FRMD4A: variants seen among roughly 807,000 people sequenced by gnomAD.
FRMD4A encodes the protein FERM domain containing 4A.
A neutral mutation model predicts 129.1 loss-of-function variants in FRMD4A; 29 were observed. The ratio of observed to expected loss-of-function variants is 0.22; its 90% CI spans 0.17 to 0.31. The LOEUF (loss-of-function observed/expected upper bound fraction) is 0.31. Ranked by LOEUF, FRMD4A falls within the 10% of genes least tolerant of loss-of-function variation. The pLI, the probability that FRMD4A is intolerant of heterozygous loss-of-function variation, is 1.00. For synonymous variants in FRMD4A, 634 were observed against 571.6 expected, an observed-to-expected ratio of 1.11 and a Z score of -1.56; for missense variants, 1,272 against 1,375.8, an observed-to-expected ratio of 0.92 and a Z score of 1.19.
chr10:13,736,987 TTCTC>T (rs937050107), intron 12 of FRMD4A, among the ~76,000 whole-genome samples: 3 of 152,260 alleles, frequency 2.0e-5, no homozygotes, highest in Non-Finnish European at 4.4e-5. Context: ...CGTTTTCTGT[TTCTC>T]TCCCTCTTCA....
rs565257237 is a variant in FRMD4A, at chr10:13,820,904, C to T, written c.112-9996G>A. Among the ~76,000 whole-genome samples the T allele has an allele frequency of 1.8e-4, 28 of 152,318 alleles. No individual in the cohort carries two copies. The East Asian group carries it at 3.1e-3, about 17-fold the overall frequency. On this transcript the variant is annotated intron_variant, in intron 3 of 24. Coordinates refer to ENST00000357447, the MANE Select transcript of FRMD4A (RefSeq NM_018027.5). The stretch of plus-strand genomic sequence containing the variant: ...GGGCTGTCTGGGAGTGACTGTGAAA[C>T]GTGGCCCGTCTGCCCCCATCTCTCT...
At chr10:13,891,880 C>T (rs1434724616) in intron 2 of FRMD4A, 1 of 326,008 alleles carries the variant, frequency 3.1e-6, no homozygotes, top group Non-Finnish European at 4.3e-6. Flanking sequence ...GCCCGCCCCT[C>T]GCCCGCGCCC....
chr10:14,182,552 C>CA (rs201020861), intron 2 of FRMD4A, among the ~76,000 whole-genome samples: 8 of 152,046 alleles, frequency 5.3e-5, no homozygotes, highest in South Asian at 2.1e-4. Context: ...TCTGACAAGA[C>CA]AAAAATTTTT....
chr10:14,212,086 C>T (rs1456455942), intron 2 of FRMD4A, among the ~76,000 whole-genome samples: 1 of 152,106 alleles, frequency 6.6e-6, no homozygotes, highest in African/African-American at 2.4e-5. Context: ...AAAAGTGTCC[C>T]AGGGTAGCTC....
intron 4 of FRMD4A, among the ~76,000 whole-genome samples, chr10:13,806,464 C>A (rs117647562): frequency 0.023 from 3,520 of 152,258 alleles, 51 homozygotes; most frequent in Middle Eastern, 0.034. Context: ...AGCTTGTTCT[C>A]CTACTGTTAG....
At position 14,216,426 on chromosome 10, in the gene FRMD4A, T is replaced by C. The variant is rs187869517; in HGVS notation, c.45+113632A>G. On this transcript the variant is annotated intron_variant, in intron 2 of 24. Coordinates refer to ENST00000357447, the MANE Select transcript of FRMD4A (RefSeq NM_018027.5). ...TGACTCATGCCTGTAATCTCAATTCTTTGGGAGTCTGAGGAGGGTGCATCA... is the reference window on the plus strand; with the variant it reads ...TGACTCATGCCTGTAATCTCAATTCCTTGGGAGTCTGAGGAGGGTGCATCA... Among the ~76,000 whole-genome samples, 20 of 152,290 alleles carry C rather than the reference T, an allele frequency of 1.3e-4. No individual in the cohort carries two copies. The East Asian group carries it at 3.7e-3, about 28-fold the overall frequency.
chr10:14,318,760 T>C (rs754005180), intron 2 of FRMD4A, among the ~76,000 whole-genome samples: 2 of 152,214 alleles, frequency 1.3e-5, no homozygotes, highest in Non-Finnish European at 2.9e-5. Context: ...TCAAGTTACA[T>C]AGAATGAACA....
intron 2 of FRMD4A, among the ~76,000 whole-genome samples, chr10:14,171,824 T>G (rs891544338): frequency 1.8e-4 from 27 of 152,190 alleles, no homozygotes; most frequent in Non-Finnish European, 4.0e-4. Flanking sequence ...GTCTGACCTA[T>G]CATCATACCA....
rs751290884 is a variant in FRMD4A, at chr10:13,651,980, C to A, written c.3051-6G>T. ...GTGAGTTTTCTGTTGCTTCTCTGAA[C>A]AAAGGAAAGCAGGAGGAGGAAGAGA... is the stretch of plus-strand genomic sequence containing the variant. On this transcript the variant is annotated splice_polypyrimidine_tract_variant and splice_region_variant and intron_variant, in intron 23 of 24. Transcript: ENST00000357447. 8 of 1,535,112 alleles carry A rather than the reference C, an allele frequency of 5.2e-6. No individual in the cohort carries two copies. The highest frequency in any genetic ancestry group is 7.2e-6 in the Non-Finnish European group (8 of 1,108,096).
intron 5 of FRMD4A, among the ~76,000 whole-genome samples, 181 bp downstream of exon 5, chr10:13,796,315 C>T (rs1386693424): frequency 6.6e-6 from 1 of 152,206 alleles, no homozygotes; most frequent in Admixed American, 6.5e-5. Flanking sequence ...CTCACAGGCA[C>T]ACCCTGCACC....
intron 2 of FRMD4A, among the ~76,000 whole-genome samples, chr10:14,225,014 A>G (rs1236620375): frequency 6.6e-6 from 1 of 152,140 alleles, no homozygotes; most frequent in Non-Finnish European, 1.5e-5. Context: ...AACTCTAAAA[A>G]TCCCTAAAAA....
At chr10:13,670,312 A>G in intron 17 of FRMD4A, 94 bp downstream of exon 17, 3 of 1,320,704 alleles carry the variant, frequency 2.3e-6, no homozygotes, top group East Asian at 2.5e-5. Flanking sequence ...TTAGGCAGAA[A>G]TGAAGAAATT....
At chr10:14,259,220 G>A (rs1262883395) in intron 2 of FRMD4A, among the ~76,000 whole-genome samples, 1 of 152,054 alleles carries the variant, frequency 6.6e-6, no homozygotes, top group African/African-American at 2.4e-5. Flanking sequence ...ACAATAAGAA[G>A]TACTTGTAAT....
rs142011545 is a variant in FRMD4A, at chr10:13,781,823, C to T, written c.384+1099G>A. 7.7e-3 allele frequency among the ~76,000 whole-genome samples: 459 copies of T among 59,510 alleles called. 3 individuals carry two copies. The highest frequency in any genetic ancestry group is 0.046 in the African/African-American group (429 of 9,304). 39.0% of individuals were successfully genotyped at this position (59,510 alleles called of 152,430 possible). A position where few individuals can be genotyped will look rare whatever the true frequency, so the allele number is the denominator to read the frequency against. ...AGTGGTTGCCAGTGGCTGAGGAAAA[C>T]GGGGAAGGGGAAGTTGTTTAATGAG... On this transcript the variant is annotated intron_variant, in intron 6 of 24. Transcript: ENST00000357447.
At chr10:13,693,845 T>A (rs1483323014) in intron 15 of FRMD4A, 53 bp downstream of exon 15, 1 of 1,583,524 alleles carries the variant, frequency 6.3e-7, no homozygotes, top group Non-Finnish European at 8.7e-7. Context: ...CTGGGTCCCC[T>A]CTGGGGTCCC....
intron 12 of FRMD4A, chr10:13,707,363 T>C: frequency 8.4e-7 from 1 of 1,196,824 alleles, no homozygotes; most frequent in Non-Finnish European, 1.0e-6. Flanking sequence ...AAACAAGTTC[T>C]TTTCAAGTTC....
intron 2 of FRMD4A, among the ~76,000 whole-genome samples, chr10:14,248,395 G>T (rs753949193): frequency 3.3e-5 from 5 of 152,160 alleles, no homozygotes; most frequent in African/African-American, 1.2e-4. Context: ...TAGAAATAGT[G>T]CCTTTTTCCA....
chr10:14,021,830 C>T (rs1832771638), intron 2 of FRMD4A, among the ~76,000 whole-genome samples: 1 of 151,978 alleles, frequency 6.6e-6, no homozygotes, highest in Non-Finnish European at 1.5e-5. Context: ...AAAAAAGAGT[C>T]CCTATTATTT....
At position 13,738,707 on chromosome 10, in the gene FRMD4A, G is replaced by A. The variant is rs182093831; in HGVS notation, c.673-777C>T. Reference sequence around the variant, plus strand: ...ACAATCCTGGCTCACTGCAACCTCCGCCTCCCAGGTTCAAGGAATTCACCC... The same window carrying A: ...ACAATCCTGGCTCACTGCAACCTCCACCTCCCAGGTTCAAGGAATTCACCC... On this transcript the variant is annotated intron_variant, in intron 11 of 24. Coordinates refer to ENST00000357447, the MANE Select transcript of FRMD4A (RefSeq NM_018027.5). Among the ~76,000 whole-genome samples the A allele has an allele frequency of 1.2e-3, 185 of 152,116 alleles. 2 individuals are homozygous for A. The highest frequency in any genetic ancestry group is 3.8e-3 in the African/African-American group (158 of 41,522).
Sources: allele counts gnomAD v4.1 joint callset (sites outside exome capture counted in the v4.1 genomes callset), GRCh38; gene constraint gnomAD v4.1.1; transcripts MANE v1.5; gene names NCBI Gene and HGNC (gene_info 2026-07-23, HGNC 2026-07-21).